Variants in STXBP5 observed in about 807,000 individuals in gnomAD.
The protein encoded by STXBP5 is syntaxin-binding protein 5.
STXBP5 carries 50 observed loss-of-function variants against 152.4 expected under a neutral mutation model. The observed-to-expected ratio is 0.33, with a 90% CI of 0.26 to 0.42. The LOEUF (loss-of-function observed/expected upper bound fraction) is 0.42, where lower values mean the gene tolerates loss of function less well. Among genes scored for constraint, STXBP5 ranks in the 10% least tolerant of loss-of-function variants. The pLI is 1.00. For synonymous variants in STXBP5, 492 were observed against 494.7 expected (o/e 0.99, Z 0.07); for missense variants, 1,167 against 1,388.6 (o/e 0.84, Z 2.54).
At chr6:147,229,655 A>T (rs940970281) in intron 2 of STXBP5, among the ~76,000 whole-genome samples, 2 of 151,750 alleles carry the variant, frequency 1.3e-5, no homozygotes, top group African/African-American at 2.4e-5. Flanking sequence ...TTATTTTCTT[A>T]ATTTCATTTA....
At chr6:147,209,117 A>G (rs1776719875) in intron 2 of STXBP5, among the ~76,000 whole-genome samples, 1 of 152,112 alleles carries the variant, frequency 6.6e-6, no homozygotes, top group African/African-American at 2.4e-5. Flanking sequence ...TTATTTTTAA[A>G]GTAAATTTTT....
At chr6:147,305,632 A>G (rs191688173) in intron 9 of STXBP5, among the ~76,000 whole-genome samples, 2 of 152,210 alleles carry the variant, frequency 1.3e-5, no homozygotes, top group African/African-American at 4.8e-5. Flanking sequence ...AATTTCTATT[A>G]GACTTTTCAA....
At chr6:147,381,812 G>A (rs1786099506) in intron 26 of STXBP5, among the ~76,000 whole-genome samples, 1 of 152,114 alleles carries the variant, frequency 6.6e-6, no homozygotes, top group African/African-American at 2.4e-5. Flanking sequence ...CCATTTAAAT[G>A]AAATACTCAG....
At chr6:147,382,159 T>G (rs1269177269) in intron 26 of STXBP5, among the ~76,000 whole-genome samples, 1 of 152,118 alleles carries the variant, frequency 6.6e-6, no homozygotes, top group East Asian at 1.9e-4. Context: ...AGCATCTGGA[T>G]AGCAAAGGGA....
At chr6:147,241,694 T>C (rs1778552772) in intron 4 of STXBP5, among the ~76,000 whole-genome samples, 1 of 151,882 alleles carries the variant, frequency 6.6e-6, no homozygotes, top group Non-Finnish European at 1.5e-5. Context: ...TAGCATCTTA[T>C]AGATTAGGGA....
intron 25 of STXBP5, among the ~76,000 whole-genome samples, chr6:147,372,933 G>T (rs1785629267): frequency 6.6e-6 from 1 of 152,040 alleles, no homozygotes; most frequent in Admixed American, 6.6e-5. Context: ...GGTGTATGTT[G>T]GCATAATTCT....
chr6:147,239,399 G>T lies in STXBP5; in HGVS notation c.431+129G>T, dbSNP rs909398347. 2.3e-5 allele frequency: 16 copies of T among 682,986 alleles called. No individual in the cohort carries two copies. In the South Asian group the frequency reaches 3.8e-4, roughly 16 times the overall value. The allele number at this position is 682,986 out of a possible 1,614,324, so 42.3% of individuals were successfully genotyped here. A position where few individuals can be genotyped will look rare whatever the true frequency, so the allele number is the denominator to read the frequency against. The stretch of plus-strand genomic sequence containing the variant: ...AAAAACTGATTCAGAAGCTTCAAAG[G>T]ATATACAATAAAAGCAAGATTCCTT... On this transcript the variant is annotated intron_variant, in intron 4 of 27. Coordinates refer to ENST00000321680, the MANE Select transcript of STXBP5 (RefSeq NM_001127715.4).
At chr6:147,249,644 G>A (rs1472240635) in intron 4 of STXBP5, among the ~76,000 whole-genome samples, 2 of 152,180 alleles carry the variant, frequency 1.3e-5, no homozygotes, top group African/African-American at 4.8e-5. Flanking sequence ...GAAATTGAGT[G>A]AAGAAGTTTT....
intron 8 of STXBP5, among the ~76,000 whole-genome samples, chr6:147,287,298 G>A (rs921356362): frequency 2.1e-5 from 3 of 146,070 alleles, no homozygotes; most frequent in African/African-American, 7.6e-5. Context: ...CGCCTCCCGG[G>A]TTCATGCCAT....
rs1478327114 is a variant in STXBP5, at chr6:147,388,617, A to G, written c.*3862A>G. 1.3e-5 allele frequency: 2 copies of G among 151,438 alleles called. No individual in the cohort carries two copies. The highest frequency in any genetic ancestry group is 1.9e-4 in the East Asian group (1 of 5,168). The allele number at this position is 151,438 out of a possible 1,614,324, so 9.4% of individuals were successfully genotyped here. On this transcript the variant is annotated 3_prime_UTR_variant, in exon 28 of 28. Coordinates refer to ENST00000321680, the MANE Select transcript of STXBP5 (RefSeq NM_001127715.4). ...GAGATACAATTAATTTTAAAAAATC[A>G]TACATCATTTAAAAATCTTCACACA...
chr6:147,289,529 C>T (rs1377459131), intron 8 of STXBP5, among the ~76,000 whole-genome samples: 4 of 151,762 alleles, frequency 2.6e-5, no homozygotes, highest in African/African-American at 9.7e-5. Context: ...TAGGAATTCG[C>T]TAGGGAAAAT....
At chr6:147,312,517 A>T (rs966984312) in intron 11 of STXBP5, among the ~76,000 whole-genome samples, 1 of 151,996 alleles carries the variant, frequency 6.6e-6, no homozygotes, top group Non-Finnish European at 1.5e-5. Flanking sequence ...ATCTCTGTGG[A>T]AACCTTTTCA....
Position 147,382,852 on chromosome 6 carries a change from G to A in STXBP5, c.3268G>A (p.Val1090Ile), listed in dbSNP as rs763541315. ...HIPGPGGIEG[V>I]KGAASGVVGE... The stretch of plus-strand genomic sequence containing the variant: ...TCCTGGCCCTGGTGGCATTGAAGGC[G>A]TAAAAGGGGCAGCATCTGGAGTTGT... Residue 1090 changes from valine to isoleucine, a missense_variant, in exon 27 of 28, where the codon GTA (valine) becomes ATA (isoleucine). Transcript: ENST00000321680. 122 of 1,613,434 alleles carry A rather than the reference G, an allele frequency of 7.6e-5. No homozygotes were observed. Among genetic ancestry groups the A allele is most frequent in the South Asian group, 2.2e-4 (20 of 91,080 alleles).
intron 4 of STXBP5, among the ~76,000 whole-genome samples, chr6:147,251,770 C>T (rs1224042612): frequency 2.0e-5 from 3 of 152,208 alleles, no homozygotes; most frequent in East Asian, 1.9e-4. Context: ...TCAAGTGGAT[C>T]CCTGACCCCC....
intron 19 of STXBP5, among the ~76,000 whole-genome samples, chr6:147,336,569 A>T (rs968039300): frequency 6.6e-6 from 1 of 152,108 alleles, no homozygotes; most frequent in Non-Finnish European, 1.5e-5. Context: ...ATCATGTTTT[A>T]AAAAACATAA....
chr6:147,383,833 T>C (rs544223779), intron 27 of STXBP5, among the ~76,000 whole-genome samples: 1 of 152,196 alleles, frequency 6.6e-6, no homozygotes, highest in African/African-American at 2.4e-5. Context: ...AAATCTAGAA[T>C]GCATGAAGAG....
rs757798078 is a variant in STXBP5, at chr6:147,373,740, G to A, written c.3091G>A (p.Gly1031Ser). The A allele has an allele frequency of 2.5e-6, 4 of 1,611,758 alleles. No homozygotes were observed. Among genetic ancestry groups the A allele is most frequent in the Middle Eastern group, 1.7e-4 (1 of 6,046 alleles). ...ETCENLQEMLGELFTPVETPE... is the reference protein window; with the variant it reads ...ETCENLQEMLSELFTPVETPE... ...TGTTTTGATTTTAAAGGAAATGTTG[G>A]GTGAACTCTTCACTCCTGTAGAAAC... Residue 1031 changes from glycine to serine, a missense_variant, in exon 26 of 28, where the codon GGT becomes AGT. Gly to Ser is a moderately conservative substitution (Grantham distance 56). Coordinates refer to ENST00000321680, the MANE Select transcript of STXBP5 (RefSeq NM_001127715.4).
chr6:147,364,587 A>C (rs1785209039), intron 25 of STXBP5, among the ~76,000 whole-genome samples: 1 of 152,230 alleles, frequency 6.6e-6, no homozygotes, highest in Non-Finnish European at 1.5e-5. Flanking sequence ...ACAGAAGAAA[A>C]AAATGTTATT....
chr6:147,245,737 AG>A (rs1402707090), intron 4 of STXBP5, among the ~76,000 whole-genome samples: 44 of 152,206 alleles, frequency 2.9e-4, no homozygotes, highest in Admixed American at 2.8e-3. Context: ...TGTCCACATA[AG>A]AAGAGTTGAA....
Sources: allele counts gnomAD v4.1 joint callset (sites outside exome capture counted in the v4.1 genomes callset), GRCh38; gene constraint gnomAD v4.1.1; transcripts MANE v1.5; gene names NCBI Gene and HGNC (gene_info 2026-07-23, HGNC 2026-07-21).